The following MGAM variants were observed in gnomAD, a reference collection of about 807,000 sequenced individuals.
MGAM encodes the protein alpha-1,4-glucosidase.
In MGAM, 253 loss-of-function variants were observed where a neutral mutation model predicts 358.8. That is an observed-to-expected ratio of 0.71 (90% confidence interval 0.64 to 0.78). The LOEUF (loss-of-function observed/expected upper bound fraction) is 0.78. Among genes scored for constraint, MGAM ranks in the 30% least tolerant of loss-of-function variants. The pLI is 0.00. For synonymous variants in MGAM, 1,105 were observed against 1,227.1 expected, an observed-to-expected ratio of 0.90 and a Z score of 2.08; for missense variants, 3,080 against 3,432.6, an observed-to-expected ratio of 0.90 and a Z score of 2.57.
chr7:142,046,218 C>T (rs1484144547), intron 21 of MGAM, among the ~76,000 whole-genome samples: 1 of 146,910 alleles, frequency 6.8e-6, no homozygotes, highest in South Asian at 2.1e-4. Flanking sequence ...TTCTTTAATA[C>T]TGTTAGTATT....
At chr7:142,074,678 G>A (rs1813603180) in intron 45 of MGAM, among the ~76,000 whole-genome samples, 2 of 146,282 alleles carry the variant, frequency 1.4e-5, no homozygotes, top group Admixed American at 6.9e-5. Context: ...TGCCTTGGAA[G>A]CCCTTGGAAG....
chr7:142,020,603 A>ATTT (rs35169560), intron 4 of MGAM, among the ~76,000 whole-genome samples: 106 of 132,618 alleles, frequency 8.0e-4, no homozygotes, highest in African/African-American at 2.4e-3. Flanking sequence ...ATATATATAT[A>ATTT]TTTTTTTTTT....
chr7:142,036,222 G>C lies in MGAM; in HGVS notation c.2013G>C (p.Arg671Ser). 6.2e-7 allele frequency: 1 copy of C among 1,612,518 alleles called. No individual in the cohort carries two copies. Among genetic ancestry groups the C allele is most frequent in the Non-Finnish European group, 8.5e-7 (1 of 1,179,340 alleles). ...TGGACACCCCTGAGGAGCTCTGTAG[G>C]CGGTGGATGCAGTTGGGTGCATTTT... is the stretch of plus-strand genomic sequence containing the variant. ...FALDTPEELC[R>S]RWMQLGAFYP... Residue 671 changes from arginine to serine, a missense_variant, in exon 17 of 71, where the codon AGG (arginine) becomes AGC (serine). Transcript: ENST00000475668.
Position 142,084,648 on chromosome 7 carries a change from C to A in MGAM, c.6507+4C>A, listed in dbSNP as rs747191929. 2 of 1,554,728 alleles carry A rather than the reference C, an allele frequency of 1.3e-6. No individual in the cohort carries two copies. The highest frequency in any genetic ancestry group is 2.7e-5 in the African/African-American group (2 of 74,592). ...GGTGGCTGCCCAGATCCCTTATGTA[C>A]GTTCTCAGTCATGGCTCTGGAGTTT... On this transcript the variant is annotated splice_donor_region_variant and intron_variant, in intron 54 of 70. Transcript: ENST00000475668.
rs766266700 is a variant in MGAM at position 142,099,737 on chromosome 7, G to A, written c.7874G>A (p.Ser2625Asn). Residue 2625 changes from serine (S) to asparagine (N), a missense_variant and splice_region_variant, in exon 67 of 71, where the codon AGC becomes AAC. This residue lies in a region of MGAM where 194 missense variants were observed against 172.8 expected (regional missense o/e 1.12). Transcript: ENST00000475668. ...WQEPALNTHL[S>N]RQKFMGFKIA... ...GAGCCTGCACTGAACACCCACTTAA[G>A]GTAAGTGACAGGACTCAGGTTTTCC... 2 of 1,613,874 alleles carry A rather than the reference G, an allele frequency of 1.2e-6. No individual in the cohort carries two copies. The highest frequency in any genetic ancestry group is 2.2e-5 in the South Asian group (2 of 91,072).
chr7:141,989,551 CTT>C (rs71166551), intron 2 of MGAM, among the ~76,000 whole-genome samples: 3 of 143,002 alleles, frequency 2.1e-5, no homozygotes, highest in African/African-American at 2.6e-5. Flanking sequence ...GTTCTTCTTT[CTT>C]TTTTTTTTTT....
At chr7:142,071,719 T>A (rs910389131) in intron 44 of MGAM, among the ~76,000 whole-genome samples, 4 of 146,048 alleles carry the variant, frequency 2.7e-5, no homozygotes, top group African/African-American at 7.3e-5. Flanking sequence ...TCCACCCTCC[T>A]AGAATCTCAA....
At chr7:142,057,797 GA>G (rs1365318114) in intron 30 of MGAM, among the ~76,000 whole-genome samples, 2 of 152,094 alleles carry the variant, frequency 1.3e-5, no homozygotes, top group Non-Finnish European at 2.9e-5. Context: ...ATGCATCACA[GA>G]AACACTATCA....
intron 70 of MGAM, among the ~76,000 whole-genome samples, chr7:142,103,932 C>T (rs1231239926): frequency 6.6e-6 from 1 of 151,350 alleles, no homozygotes; most frequent in Non-Finnish European, 1.5e-5. Flanking sequence ...GATCTCAGCT[C>T]ACTGCAAGCT....
chr7:141,999,585 T>C (rs1262970706), intron 1 of MGAM, among the ~76,000 whole-genome samples: 3 of 152,212 alleles, frequency 2.0e-5, no homozygotes, highest in East Asian at 1.9e-4. Flanking sequence ...AAAAATGGCA[T>C]GTGACAAATT....
Position 142,061,479 on chromosome 7 carries a change from T to A in MGAM, c.4123-1089T>A, listed in dbSNP as rs568252561. Among the ~76,000 whole-genome samples the A allele has an allele frequency of 1.2e-4, 18 of 152,310 alleles. No individual in the cohort carries two copies. The East Asian group carries it at 2.3e-3, about 20-fold the overall frequency. ...CCCACTGTCTTCTCACATCCTTGAC[T>A]GCCAGACCCATATAGGCTGATCTGT... On this transcript the variant is annotated intron_variant, in intron 34 of 70. Coordinates refer to ENST00000475668, the MANE Select transcript of MGAM (RefSeq NM_001365693.1).
At chr7:142,097,720 C>T (rs1323688950) in intron 66 of MGAM, 71 bp downstream of exon 66, 19 of 1,478,072 alleles carry the variant, frequency 1.3e-5, no homozygotes, top group Non-Finnish European at 1.8e-5. Flanking sequence ...ATCTGATAGA[C>T]CTTAGGTCAA....
At chr7:142,090,644 C>T (rs1361065934) in intron 57 of MGAM, among the ~76,000 whole-genome samples, 1 of 145,856 alleles carries the variant, frequency 6.9e-6, no homozygotes, top group Non-Finnish European at 1.6e-5. Context: ...TGTGTAAGAA[C>T]TGGAGTTCCC....
At chr7:142,084,712 G>T (rs1292919860) in intron 54 of MGAM, 68 bp downstream of exon 54, 3 of 1,502,962 alleles carry the variant, frequency 2.0e-6, no homozygotes, top group Non-Finnish European at 2.7e-6. Context: ...GGCTTCATTT[G>T]TCTAATGTTT....
intron 34 of MGAM, among the ~76,000 whole-genome samples, chr7:142,061,906 C>A (rs541164569): frequency 6.6e-6 from 1 of 152,282 alleles, no homozygotes; most frequent in South Asian, 2.1e-4. Flanking sequence ...TCTCAAAAAT[C>A]TACAATGTAG....
intron 22 of MGAM, among the ~76,000 whole-genome samples, chr7:142,049,444 A>G (rs1454659155): frequency 6.6e-6 from 1 of 152,200 alleles, no homozygotes. Flanking sequence ...CAAATAATAA[A>G]CAAGCATGAC....
In MGAM at chr7:142,005,575, G is replaced by T. The variant is rs1349826510; in HGVS notation, c.45G>T (p.Val15=). The change falls in exon 2 of 71, where the codon GTG becomes GTT. Residue 15 remains valine, a synonymous_variant. Coordinates refer to ENST00000475668, the MANE Select transcript of MGAM (RefSeq NM_001365693.1). ...KLKKFTTLEI[V]LSVLLLVLFI... ...AAAAATTTACTACTTTGGAGATTGTGCTCAGTGTTCTTCTGCTTGTGTTGT... is the reference window on the plus strand; with the variant it reads ...AAAAATTTACTACTTTGGAGATTGTTCTCAGTGTTCTTCTGCTTGTGTTGT... 1 of 1,581,770 alleles carries T rather than the reference G, an allele frequency of 6.3e-7. No individual in the cohort carries two copies. Among genetic ancestry groups the T allele is most frequent in the Non-Finnish European group, 8.6e-7 (1 of 1,164,618 alleles).
intron 7 of MGAM, among the ~76,000 whole-genome samples, chr7:142,023,904 G>C (rs1554459980): frequency 6.6e-6 from 1 of 152,114 alleles, no homozygotes; most frequent in African/African-American, 2.4e-5. Flanking sequence ...TGAGAGAGGT[G>C]GGCTTTCAGT....
At chr7:142,017,896 G>A (rs1408908208) in intron 3 of MGAM, among the ~76,000 whole-genome samples, 3 of 152,130 alleles carry the variant, frequency 2.0e-5, no homozygotes, top group East Asian at 1.9e-4. Context: ...AGAAAAAAAA[G>A]AAATGGATAG....
Sources: gnomAD v4.1 joint callset for allele counts (sites outside exome capture counted in the v4.1 genomes callset) on GRCh38, gnomAD v4.1.1 for gene constraint, gnomAD v4.1.1 regional missense constraint, MANE v1.5 for transcripts, NCBI Gene and HGNC (gene_info 2026-07-23, HGNC 2026-07-21) for gene names.